Variants in FUT9 observed in about 807,000 individuals in gnomAD.
The protein encoded by FUT9 is fucosyltransferase 9.
Under a neutral mutation model 29.7 loss-of-function variants are expected in FUT9, and 15 were observed. That is an observed-to-expected ratio of 0.51 (90% CI 0.34 to 0.78). The LOEUF (loss-of-function observed/expected upper bound fraction) is 0.78, where lower values mean the gene tolerates loss of function less well. FUT9 is among the 30% of genes least tolerant of loss of function. The pLI is 0.01. For synonymous variants in FUT9, 169 were observed against 153.7 expected (o/e 1.10, Z -0.74); for missense variants, 319 against 425.4 (o/e 0.75, Z 2.20).
intron 2 of FUT9, among the ~76,000 whole-genome samples, chr6:96,163,748 A>T (rs1772957800): frequency 1.3e-5 from 2 of 152,138 alleles, no homozygotes; most frequent in African/African-American, 4.8e-5. Context: ...CTCTTTTAAC[A>T]CCAGACCTCA....
intron 1 of FUT9, among the ~76,000 whole-genome samples, chr6:96,086,631 AT>A (rs1478705429): frequency 1.3e-5 from 2 of 152,214 alleles, no homozygotes; most frequent in Non-Finnish European, 2.9e-5. Flanking sequence ...AATCAGGAAT[AT>A]ACTGGACTTT....
At chr6:96,033,189 C>T (rs925191163) in intron 1 of FUT9, among the ~76,000 whole-genome samples, 2 of 151,536 alleles carry the variant, frequency 1.3e-5, no homozygotes, top group Non-Finnish European at 3.0e-5. Flanking sequence ...ATATTAAAAG[C>T]TTATTTGTTA....
At chr6:96,113,490 C>T (rs1043281833) in intron 1 of FUT9, among the ~76,000 whole-genome samples, 3 of 151,702 alleles carry the variant, frequency 2.0e-5, no homozygotes, top group African/African-American at 4.8e-5. Context: ...TCACCCGTCT[C>T]GGCCTCCCAA....
At chr6:96,040,302 C>T (rs1489684106) in intron 1 of FUT9, among the ~76,000 whole-genome samples, 1 of 152,106 alleles carries the variant, frequency 6.6e-6, no homozygotes, top group African/African-American at 2.4e-5. Context: ...ACAATAAATT[C>T]ATTTATTTAT....
chr6:96,192,845 C>T (rs1773538515), intron 2 of FUT9, among the ~76,000 whole-genome samples: 2 of 151,870 alleles, frequency 1.3e-5, no homozygotes, highest in South Asian at 4.2e-4. Context: ...GTACTGGTAC[C>T]AAAACAGAGA....
At chr6:96,055,669 T>C (rs547795464) in intron 1 of FUT9, among the ~76,000 whole-genome samples, 1 of 151,392 alleles carries the variant, frequency 6.6e-6, no homozygotes, top group East Asian at 1.9e-4. Context: ...AGATAATTGT[T>C]TTTTGTTTTC....
At chr6:96,063,811 G>T (rs1045408805) in intron 1 of FUT9, among the ~76,000 whole-genome samples, 2 of 152,090 alleles carry the variant, frequency 1.3e-5, no homozygotes, top group Admixed American at 1.3e-4. Flanking sequence ...CCTATACCCT[G>T]CGCACCAGGC....
At position 96,204,309 on chromosome 6, in the gene FUT9, G is replaced by A. The variant is rs1383403917; in HGVS notation, c.*74G>A. The A allele has an allele frequency of 4.0e-6, 4 of 1,008,322 alleles. No individual in the cohort carries two copies. In the South Asian group the frequency reaches 1.2e-4, roughly 30 times the overall value. The allele number at this position is 1,008,322 out of a possible 1,614,324, so 62.5% of individuals were successfully genotyped here. A position where few individuals can be genotyped will look rare whatever the true frequency, so the allele number is the denominator to read the frequency against. ...CCAAGTATTGAGGATAAGAAGAGAT[G>A]CAACATACTACTTTTGTGTCACAAT... On this transcript the variant is annotated 3_prime_UTR_variant, in exon 3 of 3. Coordinates refer to ENST00000302103, the MANE Select transcript of FUT9 (RefSeq NM_006581.4).
intron 1 of FUT9, among the ~76,000 whole-genome samples, chr6:96,050,321 TA>T (rs1770642742): frequency 6.6e-6 from 1 of 152,210 alleles, no homozygotes; most frequent in Admixed American, 6.5e-5. Context: ...TTTAAGATGT[TA>T]AAATCACCAT....
intron 2 of FUT9, among the ~76,000 whole-genome samples, chr6:96,122,623 G>T (rs1772050360): frequency 6.6e-6 from 1 of 151,968 alleles, no homozygotes; most frequent in South Asian, 2.1e-4. Context: ...CCCTTATAAT[G>T]ACTATTTGCC....
At chr6:96,173,947 A>T (rs1156777323) in intron 2 of FUT9, among the ~76,000 whole-genome samples, 1 of 152,092 alleles carries the variant, frequency 6.6e-6, no homozygotes, top group Non-Finnish European at 1.5e-5. Flanking sequence ...ATTTGTGTTG[A>T]TTGTTTTTTA....
At chr6:96,181,345 T>C (rs999196907) in intron 2 of FUT9, among the ~76,000 whole-genome samples, 2 of 152,028 alleles carry the variant, frequency 1.3e-5, no homozygotes, top group Non-Finnish European at 2.9e-5. Flanking sequence ...TAGTCTCTGG[T>C]TGAGAATAAT....
chr6:96,055,576 T>A (rs2127940775), intron 1 of FUT9, among the ~76,000 whole-genome samples: 1 of 152,170 alleles, frequency 6.6e-6, no homozygotes, highest in African/African-American at 2.4e-5. Flanking sequence ...GCAGGCTTGT[T>A]ACCTAGGTAA....
intron 2 of FUT9, among the ~76,000 whole-genome samples, chr6:96,147,909 C>T (rs1447625080): frequency 1.3e-5 from 2 of 150,376 alleles, no homozygotes; most frequent in Non-Finnish European, 2.9e-5. Context: ...AAAAAAAGTG[C>T]ATTTGATATG....
chr6:96,039,510 A>G (rs1326262431), intron 1 of FUT9, among the ~76,000 whole-genome samples: 4 of 151,906 alleles, frequency 2.6e-5, no homozygotes, highest in Non-Finnish European at 5.9e-5. Context: ...CTGTCTCTTG[A>G]ACTTGGCAAG....
chr6:96,165,142 G>T (rs547877249), intron 2 of FUT9, among the ~76,000 whole-genome samples: 1 of 152,222 alleles, frequency 6.6e-6, no homozygotes, highest in East Asian at 1.9e-4. Flanking sequence ...AACTAGAGTT[G>T]ACTCACAGGC....
At chr6:96,019,205 T>C (rs960995297) in intron 1 of FUT9, among the ~76,000 whole-genome samples, 3 of 151,906 alleles carry the variant, frequency 2.0e-5, no homozygotes, top group African/African-American at 7.2e-5. Flanking sequence ...AAAGCACACA[T>C]ATTTACACCT....
chr6:96,198,669 T>C (rs1361898945), intron 2 of FUT9, among the ~76,000 whole-genome samples: 6 of 152,188 alleles, frequency 3.9e-5, no homozygotes, highest in Non-Finnish European at 7.3e-5. Context: ...TATTTCTAGT[T>C]CCAGATCCCT....
chr6:96,039,474 C>A (rs1770417221), intron 1 of FUT9, among the ~76,000 whole-genome samples: 1 of 152,074 alleles, frequency 6.6e-6, no homozygotes, highest in East Asian at 1.9e-4. Context: ...TTACACTGTG[C>A]ACCCGCTATC....
Sources: gnomAD v4.1 joint callset for allele counts (sites outside exome capture counted in the v4.1 genomes callset) on GRCh38, gnomAD v4.1.1 for gene constraint, MANE v1.5 for transcripts, NCBI Gene and HGNC (gene_info 2026-07-23, HGNC 2026-07-21) for gene names.